The following PLCB2 variants were observed in gnomAD, a reference collection of about 807,000 sequenced individuals.
PLCB2 encodes 1-phosphatidylinositol 4,5-bisphosphate phosphodiesterase beta-2.
A neutral mutation model predicts 141.7 loss-of-function variants in PLCB2; 115 were observed. The observed-to-expected ratio is 0.81, with a 90% CI of 0.70 to 0.95. The LOEUF (loss-of-function observed/expected upper bound fraction) is 0.95. PLCB2 is among the 40% of genes least tolerant of loss of function. The pLI is 0.00. For missense variants in PLCB2, 1,403 were observed against 1,541.1 expected (o/e 0.91, Z 1.50); for synonymous variants, 603 against 595.6 (o/e 1.01, Z -0.18).
chr15:40,298,082 C>T, intron 11 of PLCB2, 123 bp from the exon 12 acceptor site: 2 of 1,183,740 alleles, frequency 1.7e-6, no homozygotes, highest in Non-Finnish European at 2.4e-6. Flanking sequence ...CCATTGGCCC[C>T]CAATCCCTGC....
At chr15:40,298,019 T>C in intron 11 of PLCB2, 60 bp from the exon 12 acceptor site, 2 of 1,342,532 alleles carry the variant, frequency 1.5e-6, no homozygotes, top group Non-Finnish European at 2.1e-6. Context: ...TGTCTCGTGA[T>C]AGCACTTTTC....
At position 40,304,023 on chromosome 15, in the gene PLCB2, A is replaced by G; in HGVS notation, c.140T>C (p.Leu47Ser). Residue 47 changes from leucine (L) to serine (S), a missense_variant, in exon 2 of 32, where the codon TTA (leucine) becomes TCA (serine). Leu to Ser is a moderately radical substitution (Grantham distance 145). Coordinates refer to ENST00000260402, the MANE Select transcript of PLCB2 (RefSeq NM_004573.3). ...ILRVDPKGYYLYWTYQSKEME... is the reference protein window; with the variant it reads ...ILRVDPKGYYSYWTYQSKEME... ...CACCTTACTTTGATACGTCCAGTAT[A>G]AGTAGTAGCCCTTAGGATCCACACG... 6.3e-7 allele frequency: 1 copy of G among 1,597,156 alleles called. No homozygotes were observed. Among genetic ancestry groups the G allele is most frequent in the Non-Finnish European group, 8.5e-7 (1 of 1,171,648 alleles).
intron 1 of PLCB2, among the ~76,000 whole-genome samples, chr15:40,307,128 G>T (rs1020124021): frequency 6.6e-6 from 1 of 152,184 alleles, no homozygotes; most frequent in Non-Finnish European, 1.5e-5. Context: ...AGCAGCGCAG[G>T]GGAGAGCAAG....
intron 1 of PLCB2, among the ~76,000 whole-genome samples, chr15:40,305,660 C>A (rs2040759968): frequency 6.6e-6 from 1 of 152,336 alleles, no homozygotes; most frequent in East Asian, 1.9e-4. Flanking sequence ...GGACTTCAAG[C>A]AACAGGTTCC....
In PLCB2 at chr15:40,296,691, C is replaced by T. The variant is rs1272681442; in HGVS notation, c.1486+55G>A. On this transcript the variant is annotated intron_variant, in intron 14 of 31. Transcript: ENST00000260402. ...CTGCATGGCTCCTCCAGGTCCAGCC[C>T]CTCTCCTGTTCCAGATGCTCCTAAT... 22 of 1,610,780 alleles carry T rather than the reference C, an allele frequency of 1.4e-5. No individual in the cohort carries two copies. The East Asian group carries it at 4.9e-4, about 36-fold the overall frequency.
downstream of PLCB2, chr15:40,285,518 GTTA>G: frequency 1.0e-6 from 1 of 984,676 alleles, no homozygotes; most frequent in Non-Finnish European, 1.2e-6. Flanking sequence ...GAGCTGCATA[GTTA>G]TTTAGAGTGC....
chr15:40,307,382 G>T (rs2040850962), intron 1 of PLCB2, among the ~76,000 whole-genome samples: 2 of 152,136 alleles, frequency 1.3e-5, no homozygotes, highest in Admixed American at 1.3e-4. Flanking sequence ...CTCACACCTA[G>T]AACCAAGGCT....
rs773360078 is a variant in PLCB2 at position 40,296,291 on chromosome 15, C to G, written c.1696+5G>C. On this transcript the variant is annotated splice_donor_5th_base_variant and intron_variant, in intron 16 of 31. Coordinates refer to ENST00000260402, the MANE Select transcript of PLCB2 (RefSeq NM_004573.3). ...CCCACCCGTAAGTTACTCATGCTAA[C>G]TTACGGGCAGAGAACTCAAAGGAGA... 22 of 1,610,554 alleles carry G rather than the reference C, an allele frequency of 1.4e-5. No homozygotes were observed. The highest frequency in any genetic ancestry group is 1.7e-5 in the Non-Finnish European group (20 of 1,177,854).
At chr15:40,289,001 T>C in intron 31 of PLCB2, 83 bp from the exon 32 acceptor site, 1 of 1,546,708 alleles carries the variant, frequency 6.5e-7, no homozygotes, top group Non-Finnish European at 8.7e-7. Flanking sequence ...GAACAGGAGA[T>C]GCCCAATATC....
chr15:40,287,531 C>T (rs1057210769), downstream of PLCB2, among the ~76,000 whole-genome samples: 8 of 152,190 alleles, frequency 5.3e-5, no homozygotes, highest in Non-Finnish European at 8.8e-5. Context: ...GGGTCCTGAG[C>T]ATCCAACCAC....
intron 19 of PLCB2, 55 bp from the exon 20 acceptor site, chr15:40,293,779 C>A (rs1359024956): frequency 6.3e-7 from 1 of 1,581,320 alleles, no homozygotes; most frequent in African/African-American, 1.3e-5. Flanking sequence ...GGCTCTTCCC[C>A]AAGCATCTGG....
rs780312297 is a variant in PLCB2, at chr15:40,298,317, C to T, written c.1061G>A (p.Arg354His). The change falls in exon 11 of 32, where the codon CGT becomes CAT. Residue 354 changes from arginine to histidine, a missense_variant. Transcript: ENST00000260402. ...MYRQVLLSGC[R>H]CVELDCWKGK... The stretch of plus-strand genomic sequence containing the variant: ...CTTCCAGCAGTCTAGCTCCACGCAA[C>T]GGCAGCCAGAGAGCAGCACCTGGCG... 6 of 1,607,474 alleles carry T rather than the reference C, an allele frequency of 3.7e-6. No individual in the cohort carries two copies. In the African/African-American group the frequency reaches 5.4e-5, roughly 14 times the overall value.
At chr15:40,292,789 G>T in intron 21 of PLCB2, 137 bp downstream of exon 21, 1 of 594,252 alleles carries the variant, frequency 1.7e-6, no homozygotes, top group Non-Finnish European at 3.0e-6. Flanking sequence ...TTCCTGGAGA[G>T]GTACTGTTCT....
chr15:40,289,947 GA>G, intron 30 of PLCB2, 77 bp downstream of exon 30: 4 of 227,042 alleles, frequency 1.8e-5, no homozygotes, highest in South Asian at 8.9e-5. Flanking sequence ...GAGAGAGAGA[GA>G]GAGAGAGAGA....
At chr15:40,285,567 C>T (rs1204920828), downstream of PLCB2, 9 of 985,294 alleles carry the variant, frequency 9.1e-6, no homozygotes, top group Non-Finnish European at 1.1e-5. Context: ...GAGCTAGGGC[C>T]CCCTTCTGGG....
downstream of PLCB2, among the ~76,000 whole-genome samples, chr15:40,286,490 C>T (rs1471509809): frequency 2.0e-5 from 3 of 151,752 alleles, no homozygotes; most frequent in East Asian, 1.9e-4. Context: ...ATGCAGGGGG[C>T]GGGGTGAGTC....
At chr15:40,303,214 C>A (rs1595681473) in intron 3 of PLCB2, 74 bp downstream of exon 3, 2 of 1,129,532 alleles carry the variant, frequency 1.8e-6, no homozygotes, top group Non-Finnish European at 2.7e-6. Flanking sequence ...TTCCCACCCG[C>A]ACAGGGACCC....
chr15:40,289,220 CA>C (rs2141024401), intron 31 of PLCB2, 51 bp downstream of exon 31: 1 of 1,498,670 alleles, frequency 6.7e-7, no homozygotes, highest in Non-Finnish European at 9.3e-7. Flanking sequence ...GGCCCCTTTA[CA>C]ACCCGGAACC....
chr15:40,302,157 T>G lies in PLCB2; in HGVS notation c.485A>C (p.Glu162Ala). The change falls in exon 6 of 32, where the codon GAA becomes GCA. Residue 162 changes from glutamate (E) to alanine (A), a missense_variant. By Grantham distance (107) the Glu-to-Ala change is moderately radical (BLOSUM62 -1). Around this residue, in one of 4 missense-constraint regions of PLCB2, gnomAD observed 975 missense variants for 1,141.1 expected, o/e 0.85. Transcript: ENST00000260402. ...LVKLKMQLNSEGKIPVKNFFQ... is the reference protein window; with the variant it reads ...LVKLKMQLNSAGKIPVKNFFQ... ...TCACTTCTTCACCGGAATCTTCCCT[T>G]CAGAGTTGAGCTGCATCTTGAGCTT... 1 of 1,611,646 alleles carries G rather than the reference T, an allele frequency of 6.2e-7. No individual in the cohort carries two copies. Among genetic ancestry groups the G allele is most frequent in the East Asian group, 2.2e-5 (1 of 44,820 alleles).
Sources: gnomAD v4.1 joint callset for allele counts (sites outside exome capture counted in the v4.1 genomes callset) on GRCh38, gnomAD v4.1.1 for gene constraint, gnomAD v4.1.1 regional missense constraint, MANE v1.5 for transcripts, NCBI Gene and HGNC (gene_info 2026-07-23, HGNC 2026-07-21) for gene names.